BRINP3: variants seen among roughly 807,000 people sequenced by gnomAD.
The protein encoded by BRINP3 is BMP/retinoic acid inducible neural specific 3.
In BRINP3, 19 loss-of-function variants were observed where a neutral mutation model predicts 71.0. The ratio of observed to expected loss-of-function variants is 0.27; its 90% CI spans 0.19 to 0.39. The LOEUF is 0.39. Among genes scored for constraint, BRINP3 ranks in the 10% least tolerant of loss-of-function variants. BRINP3 has a pLI of 1.00. For missense variants in BRINP3, 959 were observed against 940.8 expected, an observed-to-expected ratio of 1.02 and a Z score of -0.25; for synonymous variants, 380 against 337.7, an observed-to-expected ratio of 1.13 and a Z score of -1.37.
At chr1:190,129,206 A>C (rs1654332354) in intron 7 of BRINP3, among the ~76,000 whole-genome samples, 1 of 151,844 alleles carries the variant, frequency 6.6e-6, no homozygotes, top group Admixed American at 6.6e-5. Context: ...AGAGTGAGAA[A>C]GCTAATAAAC....
intron 7 of BRINP3, among the ~76,000 whole-genome samples, chr1:190,140,567 TA>T (rs1457698664): frequency 1.3e-5 from 2 of 152,184 alleles, no homozygotes; most frequent in Non-Finnish European, 2.9e-5. Flanking sequence ...AGTTTAATTT[TA>T]TTTCCTAAAA....
chr1:190,323,744 G>A (rs183415948), intron 2 of BRINP3, among the ~76,000 whole-genome samples: 42 of 151,856 alleles, frequency 2.8e-4, no homozygotes, highest in African/African-American at 9.2e-4. Flanking sequence ...TCATGAGATA[G>A]GTGCACAATT....
At chr1:190,261,066 T>A (rs1220654674) in intron 4 of BRINP3, among the ~76,000 whole-genome samples, 1 of 152,058 alleles carries the variant, frequency 6.6e-6, no homozygotes, top group Admixed American at 6.6e-5. Context: ...AGTGCATTAT[T>A]TCTAAAAATT....
At chr1:190,173,688 A>C (rs1290007271) in intron 6 of BRINP3, among the ~76,000 whole-genome samples, 1 of 152,212 alleles carries the variant, frequency 6.6e-6, no homozygotes, top group East Asian at 1.9e-4. Flanking sequence ...TTTTGTAAGC[A>C]TGTATGATAT....
chr1:190,125,178 C>T (rs1046013686), intron 7 of BRINP3, among the ~76,000 whole-genome samples: 13 of 151,848 alleles, frequency 8.6e-5, no homozygotes, highest in Admixed American at 4.6e-4. Flanking sequence ...ATAAAGGTCA[C>T]GCTGTTCTAA....
At chr1:190,422,332 T>G (rs1280169060) in intron 2 of BRINP3, among the ~76,000 whole-genome samples, 1 of 151,856 alleles carries the variant, frequency 6.6e-6, no homozygotes, top group Non-Finnish European at 1.5e-5. Flanking sequence ...TGACATATTT[T>G]GAATATATTA....
At chr1:190,406,024 A>T (rs965966901) in intron 2 of BRINP3, among the ~76,000 whole-genome samples, 3 of 152,342 alleles carry the variant, frequency 2.0e-5, no homozygotes, top group Non-Finnish European at 4.4e-5. Flanking sequence ...TACTTAAAAT[A>T]TGACTTCCAA....
chr1:190,451,997 T>G (rs1675638324), intron 2 of BRINP3, among the ~76,000 whole-genome samples: 1 of 152,228 alleles, frequency 6.6e-6, no homozygotes, highest in African/African-American at 2.4e-5. Context: ...TAGAATGTGT[T>G]GATGATAGTA....
chr1:190,318,422 A>T (rs1558177488), intron 2 of BRINP3, among the ~76,000 whole-genome samples: 1 of 152,116 alleles, frequency 6.6e-6, no homozygotes, highest in Non-Finnish European at 1.5e-5. Flanking sequence ...TATGGAAAGC[A>T]ATATATCTCA....
intron 2 of BRINP3, among the ~76,000 whole-genome samples, chr1:190,379,591 T>G (rs537271769): frequency 6.6e-6 from 1 of 152,134 alleles, no homozygotes; most frequent in Non-Finnish European, 1.5e-5. Context: ...TGAAAAAGCC[T>G]GGGAACAGGG....
At chr1:190,374,112 A>G (rs2102208364) in intron 2 of BRINP3, among the ~76,000 whole-genome samples, 1 of 152,126 alleles carries the variant, frequency 6.6e-6, no homozygotes, top group African/African-American at 2.4e-5. Flanking sequence ...GAATTGTTTT[A>G]GGGTTCAAGA....
intron 4 of BRINP3, among the ~76,000 whole-genome samples, chr1:190,245,575 T>C (rs907295093): frequency 6.6e-6 from 1 of 151,988 alleles, no homozygotes; most frequent in African/African-American, 2.4e-5. Flanking sequence ...ATAACAAAAA[T>C]GGAAAGGACA....
In BRINP3 at chr1:190,097,946, C is replaced by A. The variant is rs1651344835; in HGVS notation, c.*72G>T. The A allele has an allele frequency of 1.4e-6, 2 of 1,453,570 alleles. No individual in the cohort carries two copies. The highest frequency in any genetic ancestry group is 2.3e-5 in the Admixed American group (1 of 44,436). 90.0% of individuals were successfully genotyped at this position (1,453,570 alleles called of 1,614,324 possible). A position where few individuals can be genotyped will look rare whatever the true frequency, so the allele number is the denominator to read the frequency against. On this transcript the variant is annotated 3_prime_UTR_variant, in exon 8 of 8. Transcript: ENST00000367462. ...AAAAGACAATTTAAATTTACTCTTC[C>A]AAACATAAACTGTTCCACAAAAGCA...
At chr1:190,286,497 A>T (rs1053894569) in intron 2 of BRINP3, among the ~76,000 whole-genome samples, 1 of 152,066 alleles carries the variant, frequency 6.6e-6, no homozygotes, top group Non-Finnish European at 1.5e-5. Flanking sequence ...GCCACTCTTC[A>T]TATTAGAAAT....
rs1553314818 is a variant in BRINP3 at position 190,412,412 on chromosome 1, T to TATATAC, written c.236+42242_236+42243insGTATAT. Among the ~76,000 whole-genome samples the TATATAC allele has an allele frequency of 2.1e-5, 3 of 141,022 alleles. No homozygotes were observed. The East Asian group carries it at 6.1e-4, about 29-fold the overall frequency. The allele number at this position is 141,022 out of a possible 152,430, so 92.5% of individuals were successfully genotyped here. A position where few individuals can be genotyped will look rare whatever the true frequency, so the allele number is the denominator to read the frequency against. ...TATATATATTATATATATATATATA[T>TATATAC]ATACACTTTTTTTTACTATGTAGTA... is the stretch of plus-strand genomic sequence containing the variant. On this transcript the variant is annotated intron_variant, in intron 2 of 7. Coordinates refer to ENST00000367462, the MANE Select transcript of BRINP3 (RefSeq NM_199051.3).
chr1:190,336,192 G>A (rs1667270435), intron 2 of BRINP3, among the ~76,000 whole-genome samples: 1 of 151,948 alleles, frequency 6.6e-6, no homozygotes, highest in Admixed American at 6.6e-5. Flanking sequence ...TAAAGCTCCA[G>A]TAATATACAA....
chr1:190,448,182 GCAAA>G lies in BRINP3; in HGVS notation c.236+6469_236+6472del, dbSNP rs549870625. 8.6e-5 allele frequency among the ~76,000 whole-genome samples: 13 copies of G among 151,624 alleles called. No homozygotes were observed. In the East Asian group the frequency reaches 1.4e-3, roughly 16 times the overall value. ...TAAAACTGAATTCTCAGTTTTCTGA[GCAAA>G]CAGTTTAATTGATTTCTTTAAATTT... On this transcript the variant is annotated intron_variant, in intron 2 of 7. Coordinates refer to ENST00000367462, the MANE Select transcript of BRINP3 (RefSeq NM_199051.3).
intron 6 of BRINP3, among the ~76,000 whole-genome samples, chr1:190,179,629 CAG>C (rs1290182011): frequency 1.3e-5 from 2 of 152,054 alleles, no homozygotes; most frequent in Non-Finnish European, 2.9e-5. Flanking sequence ...GAATTTTCAG[CAG>C]TCTAATTAAA....
At chr1:190,119,519 C>T (rs1158236374) in intron 7 of BRINP3, among the ~76,000 whole-genome samples, 1 of 152,070 alleles carries the variant, frequency 6.6e-6, no homozygotes, top group Non-Finnish European at 1.5e-5. Flanking sequence ...GTGATCCTCC[C>T]TCTTCAGCCT....
Sources: gnomAD v4.1 joint callset for allele counts (sites outside exome capture counted in the v4.1 genomes callset) on GRCh38, gnomAD v4.1.1 for gene constraint, MANE v1.5 for transcripts, NCBI Gene and HGNC (gene_info 2026-07-23, HGNC 2026-07-21) for gene names.